Variants in JMY observed in about 807,000 individuals in gnomAD.
The protein encoded by JMY is junction-mediating and -regulatory protein.
A neutral mutation model predicts 103.3 loss-of-function variants in JMY; 46 were observed. The ratio of observed to expected loss-of-function variants is 0.45; its 90% CI spans 0.35 to 0.57. The LOEUF (loss-of-function observed/expected upper bound fraction) is 0.57. Ranked by LOEUF, JMY falls within the 20% of genes least tolerant of loss-of-function variation. The pLI, the probability that JMY is intolerant of heterozygous loss-of-function variation, is 0.00. For synonymous variants in JMY, 526 were observed against 489.3 expected (o/e 1.07, Z -0.99); for missense variants, 1,238 against 1,255.2 (o/e 0.99, Z 0.21).
At chr5:79,282,099 TG>T (rs1470396847) in intron 2 of JMY, among the ~76,000 whole-genome samples, 1 of 151,966 alleles carries the variant, frequency 6.6e-6, no homozygotes, top group Admixed American at 6.6e-5. Context: ...CCCAGCTACT[TG>T]GGAGGCTGAG....
At chr5:79,250,400 A>AT (rs968418002) in intron 1 of JMY, among the ~76,000 whole-genome samples, 2 of 151,826 alleles carry the variant, frequency 1.3e-5, no homozygotes, top group African/African-American at 4.8e-5. Context: ...TGATTCTAGT[A>AT]TTTTTTCTTG....
chr5:79,280,050 C>T (rs989152389), intron 2 of JMY, among the ~76,000 whole-genome samples: 1 of 152,096 alleles, frequency 6.6e-6, no homozygotes, highest in Non-Finnish European at 1.5e-5. Context: ...CCATCTGTTG[C>T]CCAGGCTGGT....
At chr5:79,240,814 T>C (rs1391279654) in intron 1 of JMY, among the ~76,000 whole-genome samples, 1 of 152,244 alleles carries the variant, frequency 6.6e-6, no homozygotes, top group Non-Finnish European at 1.5e-5. Flanking sequence ...GCTAATTAAA[T>C]TTAACTTTGC....
chr5:79,252,903 G>C (rs1203174279), intron 1 of JMY, among the ~76,000 whole-genome samples: 2 of 152,176 alleles, frequency 1.3e-5, no homozygotes, highest in Non-Finnish European at 2.9e-5. Flanking sequence ...CAATTGGAGA[G>C]TTTAGTCCAT....
At chr5:79,290,687 A>G (rs1045398937) in intron 3 of JMY, among the ~76,000 whole-genome samples, 5 of 152,148 alleles carry the variant, frequency 3.3e-5, no homozygotes, top group African/African-American at 9.7e-5. Context: ...ATACTCTCAA[A>G]TTATGTTTTA....
intron 1 of JMY, among the ~76,000 whole-genome samples, chr5:79,274,775 A>G (rs1428202571): frequency 6.6e-6 from 1 of 152,156 alleles, no homozygotes; most frequent in Admixed American, 6.5e-5. Context: ...CTTGGATTAT[A>G]TAATAGACAT....
rs539159522 is a variant in JMY, at chr5:79,270,491, A to G, written c.1033-7419A>G. ...AATGTATATTTACATAAATATTTAC[A>G]TAAAATATATATTTACATAAATATT... On this transcript the variant is annotated intron_variant, in intron 1 of 10. Coordinates refer to ENST00000396137, the MANE Select transcript of JMY (RefSeq NM_152405.5). Among the ~76,000 whole-genome samples, 16 of 85,866 alleles carry G rather than the reference A, an allele frequency of 1.9e-4. 3 individuals carry two copies. The highest frequency in any genetic ancestry group is 9.1e-4 in the African/African-American group (16 of 17,612). 56.3% of individuals were successfully genotyped at this position (85,866 alleles called of 152,430 possible). A position where few individuals can be genotyped will look rare whatever the true frequency, so the allele number is the denominator to read the frequency against.
chr5:79,240,604 C>T lies in JMY; in HGVS notation c.1032+2922C>T, dbSNP rs201039685. 7.9e-5 allele frequency among the ~76,000 whole-genome samples: 12 copies of T among 152,236 alleles called. No individual in the cohort carries two copies. The East Asian group carries it at 2.3e-3, about 29-fold the overall frequency. ...GATTACAGGCGTGAACCACTGCACC[C>T]GGCAACTTCAATATTTGAAAAATAG... is the stretch of plus-strand genomic sequence containing the variant. On this transcript the variant is annotated intron_variant, in intron 1 of 10. Transcript: ENST00000396137.
chr5:79,302,435 T>C (rs923569014), intron 6 of JMY, among the ~76,000 whole-genome samples: 1 of 152,184 alleles, frequency 6.6e-6, no homozygotes, highest in Non-Finnish European at 1.5e-5. Flanking sequence ...AGATGAGTGT[T>C]CTGCCGGCCA....
In JMY at chr5:79,271,191, AT is replaced by A. The variant is rs60790162; in HGVS notation, c.1033-6704del. ...AGCAAGTCTCCCACCACACCTGGCTATTTTTTTTTTTTTTTAAATTTTAGTA... is the reference window on the plus strand; with the variant it reads ...AGCAAGTCTCCCACCACACCTGGCTATTTTTTTTTTTTTTAAATTTTAGTA... On this transcript the variant is annotated intron_variant, in intron 1 of 10. Coordinates refer to ENST00000396137, the MANE Select transcript of JMY (RefSeq NM_152405.5). 9.2e-3 allele frequency among the ~76,000 whole-genome samples: 1,278 copies of A among 138,420 alleles called. 11 individuals are homozygous for A. The highest frequency in any genetic ancestry group is 0.022 in the African/African-American group (851 of 38,076). The allele number at this position is 138,420 out of a possible 152,430, so 90.8% of individuals were successfully genotyped here. A position where few individuals can be genotyped will look rare whatever the true frequency, so the allele number is the denominator to read the frequency against.
chr5:79,323,069 T>C lies in JMY; in HGVS notation c.*1467T>C, dbSNP rs1747512565. ...AACAGGTTATGTAAGACAACAACTT[T>C]TTTTATTATTTCAAAACAAAACAGG... On this transcript the variant is annotated 3_prime_UTR_variant, in exon 11 of 11. Coordinates refer to ENST00000396137, the MANE Select transcript of JMY (RefSeq NM_152405.5). The C allele has an allele frequency of 6.6e-6, 1 of 152,208 alleles. No individual in the cohort carries two copies. Among genetic ancestry groups the C allele is most frequent in the African/African-American group, 2.4e-5 (1 of 41,458 alleles). 9.4% of individuals were successfully genotyped at this position (152,208 alleles called of 1,614,324 possible). A position where few individuals can be genotyped will look rare whatever the true frequency, so the allele number is the denominator to read the frequency against.
intron 4 of JMY, among the ~76,000 whole-genome samples, chr5:79,294,174 C>T (rs530029915): frequency 7.9e-5 from 12 of 152,218 alleles, no homozygotes; most frequent in South Asian, 2.1e-4. Flanking sequence ...GAGGCTGAGG[C>T]GGGTAGATCA....
chr5:79,312,534 T>A, intron 8 of JMY, 36 bp downstream of exon 8: 1 of 779,508 alleles, frequency 1.3e-6, no homozygotes, highest in Non-Finnish European at 1.8e-6. Context: ...TGTTTTTCTT[T>A]TTTTTTTTTT....
At chr5:79,308,768 C>T (rs183418305) in intron 7 of JMY, among the ~76,000 whole-genome samples, 6 of 152,174 alleles carry the variant, frequency 3.9e-5, no homozygotes, top group Admixed American at 3.3e-4. Flanking sequence ...CCTCTACCGC[C>T]TTCTCCTACA....
intron 4 of JMY, 59 bp from the exon 5 acceptor site, chr5:79,300,094 T>G: frequency 3.5e-6 from 5 of 1,419,430 alleles, no homozygotes; most frequent in Non-Finnish European, 5.0e-6. Flanking sequence ...TTTTTAATAC[T>G]AACTCAATTT....
intron 1 of JMY, among the ~76,000 whole-genome samples, chr5:79,267,514 G>A (rs925030264): frequency 4.6e-5 from 7 of 152,124 alleles, no homozygotes; most frequent in Admixed American, 3.9e-4. Flanking sequence ...GTTTCAGTTA[G>A]CAATATACAT....
intron 10 of JMY, among the ~76,000 whole-genome samples, chr5:79,320,687 G>A (rs887014786): frequency 6.6e-6 from 1 of 152,144 alleles, no homozygotes; most frequent in Non-Finnish European, 1.5e-5. Context: ...ATTTTAAAAT[G>A]TCCAATAGTC....
chr5:79,240,035 A>T (rs375524616), intron 1 of JMY, among the ~76,000 whole-genome samples: 1 of 146,828 alleles, frequency 6.8e-6, no homozygotes, highest in East Asian at 2.0e-4. Flanking sequence ...TTTTTTTTTG[A>T]GATGGAGTCT....
intron 2 of JMY, among the ~76,000 whole-genome samples, chr5:79,280,387 A>G (rs6866405): frequency 0.06 from 9,168 of 152,250 alleles, 539 homozygotes; most frequent in African/African-American, 0.15. Context: ...TTGTCAGCCT[A>G]TATTGTCCAC....
Sources: gnomAD v4.1 joint callset for allele counts (sites outside exome capture counted in the v4.1 genomes callset) on GRCh38, gnomAD v4.1.1 for gene constraint, MANE v1.5 for transcripts, NCBI Gene and HGNC (gene_info 2026-07-23, HGNC 2026-07-21) for gene names.